Variants in TCERG1L observed in about 807,000 individuals in gnomAD.
The protein encoded by TCERG1L is transcription elongation regulator 1 like.
TCERG1L carries 37 observed loss-of-function variants against 56.3 expected under a neutral mutation model. That is an observed-to-expected ratio of 0.66 (90% CI 0.51 to 0.87). The LOEUF is 0.87. Among genes scored for constraint, TCERG1L ranks in the 40% least tolerant of loss-of-function variants. The probability of loss-of-function intolerance (pLI) is 0.00; values close to 1 mark genes in which losing one functional copy is unlikely to be tolerated. For synonymous variants in TCERG1L, 324 were observed against 326.3 expected (o/e 0.99, Z 0.08); for missense variants, 799 against 774.2 (o/e 1.03, Z -0.38).
At chr10:131,156,486 A>T (rs2944531) in intron 6 of TCERG1L, among the ~76,000 whole-genome samples, 1 of 151,978 alleles carries the variant, frequency 6.6e-6, no homozygotes, top group Non-Finnish European at 1.5e-5. Context: ...CCCTTTGAAA[A>T]ATGCTTACAC....
intron 4 of TCERG1L, among the ~76,000 whole-genome samples, chr10:131,257,045 G>GAA (rs563144240): frequency 1.4e-3 from 201 of 140,364 alleles, no homozygotes; most frequent in African/African-American, 5.1e-3. Context: ...AAGAAAGAAA[G>GAA]AAAGAAAGAA....
intron 3 of TCERG1L, among the ~76,000 whole-genome samples, chr10:131,262,276 C>T (rs1200720673): frequency 6.6e-6 from 1 of 152,080 alleles, no homozygotes; most frequent in African/African-American, 2.4e-5. Flanking sequence ...CAGATGGGCT[C>T]AGTGCCATAC....
intron 4 of TCERG1L, among the ~76,000 whole-genome samples, chr10:131,195,087 C>A (rs1845344166): frequency 6.6e-6 from 1 of 152,114 alleles, no homozygotes; most frequent in African/African-American, 2.4e-5. Flanking sequence ...GTTCCAGGTC[C>A]CAGCATGCTT....
At chr10:131,110,319 C>T (rs1327363025) in intron 9 of TCERG1L, among the ~76,000 whole-genome samples, 1 of 152,218 alleles carries the variant, frequency 6.6e-6, no homozygotes, top group African/African-American at 2.4e-5. Flanking sequence ...TGTCACCTCC[C>T]TCAACTCACA....
chr10:131,151,105 A>G (rs191805699), intron 6 of TCERG1L, among the ~76,000 whole-genome samples: 133 of 152,318 alleles, frequency 8.7e-4, no homozygotes, highest in Non-Finnish European at 2.2e-4. Flanking sequence ...GTGGGGACAC[A>G]AAGCCAAACC....
intron 4 of TCERG1L, among the ~76,000 whole-genome samples, chr10:131,246,335 T>G (rs1313320013): frequency 6.6e-6 from 1 of 151,848 alleles, no homozygotes; most frequent in Non-Finnish European, 1.5e-5. Context: ...GCTCAGGAAG[T>G]GCTGAGCAAG....
chr10:131,303,543 T>C (rs1320552358), intron 3 of TCERG1L, among the ~76,000 whole-genome samples: 1 of 152,142 alleles, frequency 6.6e-6, no homozygotes, highest in African/African-American at 2.4e-5. Flanking sequence ...GTCAGATGGA[T>C]AGATTGCAAA....
chr10:131,309,834 CA>C (rs58892586), intron 1 of TCERG1L, among the ~76,000 whole-genome samples: 15,924 of 48,644 alleles, frequency 0.33, 747 homozygotes, highest in South Asian at 0.45. Context: ...GATTCTATGG[CA>C]AAAAAAAAAA....
At chr10:131,099,123 T>C (rs1283594363) in intron 10 of TCERG1L, among the ~76,000 whole-genome samples, 3 of 152,162 alleles carry the variant, frequency 2.0e-5, no homozygotes, top group African/African-American at 7.2e-5. Context: ...GGCACTCCCA[T>C]CTGACCAGAA....
intron 3 of TCERG1L, among the ~76,000 whole-genome samples, chr10:131,301,849 G>A (rs867227687): frequency 1.1e-4 from 16 of 152,034 alleles, no homozygotes; most frequent in East Asian, 1.9e-4. Context: ...ATAAATATAC[G>A]CATAGTAAAT....
chr10:131,163,310 G>A (rs915104922), intron 5 of TCERG1L, 100 bp from the exon 6 acceptor site: 3 of 979,714 alleles, frequency 3.1e-6, no homozygotes, highest in African/African-American at 3.3e-5. Context: ...CTGCAGGCAG[G>A]CAGCTTATAG....
At chr10:131,270,584 T>A (rs1412577934) in intron 3 of TCERG1L, among the ~76,000 whole-genome samples, 1 of 152,188 alleles carries the variant, frequency 6.6e-6, no homozygotes, top group African/African-American at 2.4e-5. Context: ...GGAGCCAACA[T>A]CTCCAGAAAA....
chr10:131,260,362 C>T lies in TCERG1L; in HGVS notation c.753G>A (p.Val251=). 2 of 1,497,272 alleles carry T rather than the reference C, an allele frequency of 1.3e-6. No homozygotes were observed. Among genetic ancestry groups the T allele is most frequent in the Non-Finnish European group, 1.8e-6 (2 of 1,133,414 alleles). 92.7% of individuals were successfully genotyped at this position (1,497,272 alleles called of 1,614,324 possible). Residue 251 remains valine (V), a synonymous_variant, in exon 4 of 12, where the codon GTG becomes GTA. Transcript: ENST00000368642. The surrounding 1 kb of genome is among the most constrained non-coding windows in gnomAD (Gnocchi z 5.8). The part of the protein sequence containing the change: ...ATAAAAAMVS[V]DPENLRGPSP... Reference sequence around the variant, plus strand: ...ACGGGCCCCGGAGGTTCTCAGGGTCCACGGAGACCATGGCAGCGGCGGCGG... The same window carrying T: ...ACGGGCCCCGGAGGTTCTCAGGGTCTACGGAGACCATGGCAGCGGCGGCGG...
chr10:131,218,953 C>A (rs1404872179), intron 4 of TCERG1L, among the ~76,000 whole-genome samples: 2 of 152,240 alleles, frequency 1.3e-5, no homozygotes, highest in East Asian at 3.9e-4. Flanking sequence ...TCCGGCCCCT[C>A]AGAACCATCC....
rs200250995 is a variant in TCERG1L, at chr10:131,289,678, CTG to C, written c.670+18531_670+18532del. 5.1e-4 allele frequency among the ~76,000 whole-genome samples: 23 copies of C among 44,740 alleles called. 7 individuals are homozygous for C. The Admixed American group carries it at 5.2e-3, about 10-fold the overall frequency. The allele number at this position is 44,740 out of a possible 152,430, so 29.4% of individuals were successfully genotyped here. A position where few individuals can be genotyped will look rare whatever the true frequency, so the allele number is the denominator to read the frequency against. On this transcript the variant is annotated intron_variant, in intron 3 of 11. Coordinates refer to ENST00000368642, the MANE Select transcript of TCERG1L (RefSeq NM_174937.4). ...TGTGTGTGTGTGTATGTGTGCACTGCTGTGTGTGAGGTGTGCACTGCCTCCAT... is the reference window on the plus strand; with the variant it reads ...TGTGTGTGTGTGTATGTGTGCACTGCTGTGTGAGGTGTGCACTGCCTCCAT...
rs567811915 is a variant in TCERG1L at position 131,153,002 on chromosome 10, G to A, written c.1035-6342C>T. Among the ~76,000 whole-genome samples the A allele has an allele frequency of 3.3e-5, 5 of 152,294 alleles. No homozygotes were observed. The South Asian group carries it at 1.0e-3, about 32-fold the overall frequency. On this transcript the variant is annotated intron_variant, in intron 6 of 11. Transcript: ENST00000368642. ...CCTGCCCTTGACACATGGGGATTAT[G>A]GGGATTACAATTCGAGGTAAGATTT...
intron 11 of TCERG1L, among the ~76,000 whole-genome samples, chr10:131,097,154 TCGTGCCATTG>T (rs1462043453): frequency 3.0e-5 from 4 of 135,358 alleles, no homozygotes; most frequent in African/African-American, 1.1e-4. Context: ...TGAACCAAGA[TCGTGCCATTG>T]CACCACAGCC....
Position 131,260,446 on chromosome 10 carries a change from T to C in TCERG1L, c.671-2A>G. ...CCTTAAGGCTGTTATGGCAGCCACCTGCGGAAGAGGGATGCAGAGGGTCAG... is the reference window on the plus strand; with the variant it reads ...CCTTAAGGCTGTTATGGCAGCCACCCGCGGAAGAGGGATGCAGAGGGTCAG... On this transcript the variant is annotated splice_acceptor_variant, in intron 3 of 11. Coordinates refer to ENST00000368642, the MANE Select transcript of TCERG1L (RefSeq NM_174937.4). LOFTEE classifies it high-confidence loss of function. The surrounding 1 kb of genome is among the most constrained non-coding windows in gnomAD (Gnocchi z 5.8). The C allele has an allele frequency of 7.1e-7, 1 of 1,404,166 alleles. No individual in the cohort carries two copies. The highest frequency in any genetic ancestry group is 9.3e-7 in the Non-Finnish European group (1 of 1,078,852). The allele number at this position is 1,404,166 out of a possible 1,614,324, so 87.0% of individuals were successfully genotyped here.
At chr10:131,204,627 T>C (rs910539426) in intron 4 of TCERG1L, among the ~76,000 whole-genome samples, 2 of 152,216 alleles carry the variant, frequency 1.3e-5, no homozygotes, top group African/African-American at 2.4e-5. Context: ...CAAAGGTGTG[T>C]GTCCTCAAAT....
Sources: allele counts gnomAD v4.1 joint callset (sites outside exome capture counted in the v4.1 genomes callset), GRCh38; gene constraint gnomAD v4.1.1; non-coding constraint Gnocchi (gnomAD v3.1); transcripts MANE v1.5; gene names NCBI Gene and HGNC (gene_info 2026-07-23, HGNC 2026-07-21).